NRXN3: variants seen among roughly 807,000 people sequenced by gnomAD.
NRXN3 encodes neurexin 3, also known as neurexin III.
NRXN3 carries 32 observed loss-of-function variants against 137.6 expected under a neutral mutation model. The ratio of observed to expected loss-of-function variants is 0.23; its 90% CI spans 0.18 to 0.31. NRXN3 has a LOEUF of 0.31. Ranked by LOEUF, NRXN3 falls within the 10% of genes least tolerant of loss-of-function variation. NRXN3 has a pLI of 1.00. For synonymous variants in NRXN3, 798 were observed against 784.5 expected (o/e 1.02, Z -0.29); for missense variants, 1,574 against 2,062.5 (o/e 0.76, Z 4.59).
chr14:78,307,629 G>T (rs1056954893), intron 4 of NRXN3, among the ~76,000 whole-genome samples: 1 of 151,952 alleles, frequency 6.6e-6, no homozygotes, highest in East Asian at 1.9e-4. Flanking sequence ...TTTTCCTAAG[G>T]CATTTAGTGG....
intron 4 of NRXN3, among the ~76,000 whole-genome samples, chr14:78,624,545 A>G (rs996907760): frequency 6.6e-6 from 1 of 152,320 alleles, no homozygotes; most frequent in South Asian, 2.1e-4. Context: ...GCACAGTGGG[A>G]ACATGCTCCC....
intron 4 of NRXN3, among the ~76,000 whole-genome samples, chr14:78,352,784 C>T (rs566486646): frequency 1.2e-4 from 18 of 152,284 alleles, no homozygotes; most frequent in African/African-American, 2.6e-4. Context: ...GCAGAGAGCA[C>T]GGCTATCAGC....
intron 15 of NRXN3, among the ~76,000 whole-genome samples, chr14:79,387,764 C>T (rs2094684903): frequency 6.6e-6 from 1 of 151,910 alleles, no homozygotes; most frequent in South Asian, 2.1e-4. Context: ...CCATGGAATA[C>T]TATGCAGCCA....
chr14:78,772,086 G>A (rs1326555612), intron 8 of NRXN3, among the ~76,000 whole-genome samples: 2 of 152,084 alleles, frequency 1.3e-5, no homozygotes, highest in Admixed American at 6.5e-5. Context: ...CATGAGGTCA[G>A]GTATGAAATT....
At chr14:78,653,072 T>C (rs1274804853) in intron 6 of NRXN3, among the ~76,000 whole-genome samples, 2 of 152,132 alleles carry the variant, frequency 1.3e-5, no homozygotes, top group Non-Finnish European at 2.9e-5. Flanking sequence ...AAGAGAGACA[T>C]AATAAAGGAG....
chr14:78,981,193 G>A (rs2099488507), intron 14 of NRXN3, among the ~76,000 whole-genome samples: 3 of 152,142 alleles, frequency 2.0e-5, no homozygotes, highest in Admixed American at 2.0e-4. Flanking sequence ...GACAAAATGA[G>A]ATCTTCCTGT....
At chr14:78,545,845 A>G (rs967009541) in intron 4 of NRXN3, among the ~76,000 whole-genome samples, 1 of 151,968 alleles carries the variant, frequency 6.6e-6, no homozygotes, top group African/African-American at 2.4e-5. Flanking sequence ...CTCTTTCTAT[A>G]TTTTGCTTCT....
In NRXN3 at chr14:78,306,640, T is replaced by C. The variant is rs1206541987; in HGVS notation, c.757+8780T>C. On this transcript the variant is annotated intron_variant, in intron 4 of 20. Transcript: ENST00000335750. ...TGAGTATAGGTACAATTTGCACAAG[T>C]ACATATTAATAGGCTTATACTGGTG... is the stretch of plus-strand genomic sequence containing the variant. Among the ~76,000 whole-genome samples the C allele has an allele frequency of 5.3e-5, 8 of 152,188 alleles. No individual in the cohort carries two copies. In the East Asian group the frequency reaches 1.5e-3, roughly 29 times the overall value.
At chr14:79,334,634 G>A (rs2092097370) in intron 15 of NRXN3, among the ~76,000 whole-genome samples, 1 of 152,076 alleles carries the variant, frequency 6.6e-6, no homozygotes, top group Non-Finnish European at 1.5e-5. Flanking sequence ...AATCATCTTG[G>A]CGGCTGGGTG....
intron 16 of NRXN3, among the ~76,000 whole-genome samples, chr14:79,613,925 G>A (rs1319040384): frequency 6.6e-6 from 1 of 152,226 alleles, no homozygotes; most frequent in Non-Finnish European, 1.5e-5. Flanking sequence ...ATTCGACTTA[G>A]TCGAAATCAC....
intron 15 of NRXN3, among the ~76,000 whole-genome samples, chr14:79,103,934 C>T (rs1359284131): frequency 6.6e-6 from 1 of 152,142 alleles, no homozygotes; most frequent in East Asian, 1.9e-4. Context: ...TGCACATCTG[C>T]ACAAGCAATA....
chr14:79,172,202 A>G (rs2061851445), intron 15 of NRXN3, among the ~76,000 whole-genome samples: 1 of 151,586 alleles, frequency 6.6e-6, no homozygotes, highest in African/African-American at 2.4e-5. Flanking sequence ...GAAAAAAAAA[A>G]CAATTAACTG....
At chr14:78,696,345 A>G (rs535985491) in intron 6 of NRXN3, among the ~76,000 whole-genome samples, 1 of 152,148 alleles carries the variant, frequency 6.6e-6, no homozygotes, top group South Asian at 2.1e-4. Flanking sequence ...TTGTAAAATG[A>G]GGATAATAGT....
intron 15 of NRXN3, among the ~76,000 whole-genome samples, chr14:79,111,068 G>T (rs1194222257): frequency 2.0e-5 from 3 of 152,168 alleles, no homozygotes; most frequent in Admixed American, 1.3e-4. Context: ...GGGAGTACAG[G>T]CGTGAGCCAC....
At chr14:78,469,032 T>C (rs2095195926) in intron 4 of NRXN3, among the ~76,000 whole-genome samples, 1 of 152,032 alleles carries the variant, frequency 6.6e-6, no homozygotes, top group African/African-American at 2.4e-5. Context: ...AAAATAAGTT[T>C]AGAGTTTAGC....
intron 10 of NRXN3, among the ~76,000 whole-genome samples, chr14:78,938,956 C>T (rs1170564786): frequency 6.6e-6 from 1 of 151,604 alleles, no homozygotes; most frequent in Non-Finnish European, 1.5e-5. Flanking sequence ...CGCCATTCTC[C>T]TGCCTCAGCC....
chr14:78,303,598 G>A (rs1042138869), intron 4 of NRXN3, among the ~76,000 whole-genome samples: 1 of 151,994 alleles, frequency 6.6e-6, no homozygotes, highest in Non-Finnish European at 1.5e-5. Context: ...TTTATTTTCA[G>A]TGGGCATACC....
intron 4 of NRXN3, among the ~76,000 whole-genome samples, chr14:78,493,827 C>G (rs1398109863): frequency 6.6e-6 from 1 of 152,156 alleles, no homozygotes; most frequent in Non-Finnish European, 1.5e-5. Context: ...AACACCTACA[C>G]CAAACCAGGC....
chr14:78,815,977 A>G (rs1225686212), intron 10 of NRXN3, among the ~76,000 whole-genome samples: 2 of 152,338 alleles, frequency 1.3e-5, no homozygotes, highest in East Asian at 3.9e-4. Flanking sequence ...CTGTCAAACT[A>G]TAAGCAAGCT....
Sources: gnomAD v4.1 joint callset for allele counts (sites outside exome capture counted in the v4.1 genomes callset) on GRCh38, gnomAD v4.1.1 for gene constraint, MANE v1.5 for transcripts, NCBI Gene and HGNC (gene_info 2026-07-23, HGNC 2026-07-21) for gene names.